Variants in GRIK4 observed in about 807,000 individuals in gnomAD.
GRIK4 encodes glutamate ionotropic receptor kainate type subunit 4.
In GRIK4, 40 loss-of-function variants were observed where a neutral mutation model predicts 104.9. The observed-to-expected ratio is 0.38, with a 90% CI of 0.30 to 0.50. The LOEUF (loss-of-function observed/expected upper bound fraction) is 0.50, where lower values mean the gene tolerates loss of function less well. GRIK4 is among the 20% of genes least tolerant of loss of function. The pLI is 0.93. For missense variants in GRIK4, 1,047 were observed against 1,308.1 expected, an observed-to-expected ratio of 0.80 and a Z score of 3.08; for synonymous variants, 485 against 524.9, an observed-to-expected ratio of 0.92 and a Z score of 1.04.
At chr11:120,770,649 G>T (rs1310895647) in intron 3 of GRIK4, among the ~76,000 whole-genome samples, 1 of 152,184 alleles carries the variant, frequency 6.6e-6, no homozygotes, top group Admixed American at 6.5e-5. Flanking sequence ...TGACTCTGGG[G>T]AAGTGCCATG....
chr11:120,867,707 T>A (rs567897844), intron 9 of GRIK4, among the ~76,000 whole-genome samples: 1 of 151,898 alleles, frequency 6.6e-6, no homozygotes, highest in Admixed American at 6.6e-5. Context: ...GAAAGCAAGA[T>A]CAGTCCATGC....
rs1387758374 is a variant in GRIK4, at chr11:120,902,105, C to G, written c.1273-3185C>G. ...AAATGGTAATCCCGAATGATTTATC[C>G]CTTAAAACTCAGCACACATTCATGT... On this transcript the variant is annotated intron_variant, in intron 12 of 20. Coordinates refer to ENST00000527524, the MANE Select transcript of GRIK4 (RefSeq NM_014619.5). The surrounding 1 kb of genome is among the most constrained non-coding windows in gnomAD (Gnocchi z 4.5). 6.6e-6 allele frequency among the ~76,000 whole-genome samples: 1 copy of G among 152,102 alleles called. No individual in the cohort carries two copies. The highest frequency in any genetic ancestry group is 1.9e-4 in the East Asian group (1 of 5,196).
chr11:120,514,585 A>AC (rs1251457223), intron 1 of GRIK4, among the ~76,000 whole-genome samples: 2 of 151,542 alleles, frequency 1.3e-5, no homozygotes, highest in Non-Finnish European at 2.9e-5. Context: ...CACCGTTTTC[A>AC]CCCCCACCCC....
At chr11:120,856,186 C>T (rs911314984) in intron 8 of GRIK4, among the ~76,000 whole-genome samples, 3 of 152,178 alleles carry the variant, frequency 2.0e-5, no homozygotes, top group Admixed American at 2.0e-4. Context: ...GTGAACACAT[C>T]GAAAGTTCAG....
At chr11:120,723,172 C>T (rs1950963893) in intron 3 of GRIK4, among the ~76,000 whole-genome samples, 1 of 152,132 alleles carries the variant, frequency 6.6e-6, no homozygotes, top group Admixed American at 6.5e-5. Context: ...ATTTTGTTGT[C>T]TGAAATTCAT....
chr11:120,653,815 T>C (rs1247976985), intron 2 of GRIK4, 23 bp downstream of exon 2: 2 of 152,246 alleles, frequency 1.3e-5, no homozygotes, highest in Non-Finnish European at 2.9e-5. Context: ...ATTCCCATAT[T>C]ACTGGTGGAG....
chr11:120,550,436 A>T (rs1311002090), intron 1 of GRIK4, among the ~76,000 whole-genome samples: 1 of 151,870 alleles, frequency 6.6e-6, no homozygotes, highest in Admixed American at 6.6e-5. Flanking sequence ...GCAGTTGGAT[A>T]TCATCAGTCT....
In GRIK4 at chr11:120,836,840, A is replaced by G; in HGVS notation, c.740A>G (p.Asn247Ser). The change falls in exon 8 of 21, where the codon AAT becomes AGT. Residue 247 changes from asparagine (N) to serine (S), a missense_variant. This residue lies in a region of GRIK4 where 447 missense variants were observed against 514.9 expected (regional missense o/e 0.87). Transcript: ENST00000527524. ...VSAYYTYIFTNLEFSLQRMDS... is the reference protein window; with the variant it reads ...VSAYYTYIFTSLEFSLQRMDS... ...GCCTATTACACATACATCTTCACTAATCTGGTAAGATGTTCTCACAGCTCA... is the reference window on the plus strand; with the variant it reads ...GCCTATTACACATACATCTTCACTAGTCTGGTAAGATGTTCTCACAGCTCA... 8 of 1,579,858 alleles carry G rather than the reference A, an allele frequency of 5.1e-6. No homozygotes were observed. The highest frequency in any genetic ancestry group is 7.0e-6 in the Non-Finnish European group (8 of 1,148,650).
At chr11:120,896,287 C>T (rs569115711) in intron 11 of GRIK4, among the ~76,000 whole-genome samples, 4 of 152,358 alleles carry the variant, frequency 2.6e-5, no homozygotes, top group East Asian at 3.9e-4. Flanking sequence ...CTGACAGGCT[C>T]TGTGACCTCA....
chr11:120,581,835 C>T (rs1251386041), intron 1 of GRIK4, among the ~76,000 whole-genome samples: 1 of 149,748 alleles, frequency 6.7e-6, no homozygotes, highest in African/African-American at 2.5e-5. Flanking sequence ...GAGACGGAGT[C>T]TTGCTCTGTT....
intron 3 of GRIK4, among the ~76,000 whole-genome samples, chr11:120,722,468 C>T (rs760109602): frequency 6.6e-6 from 1 of 152,034 alleles, no homozygotes; most frequent in Non-Finnish European, 1.5e-5. Context: ...TTTAGCTGGA[C>T]GTGGTGGAGC....
chr11:120,867,612 T>A (rs1954459498), intron 9 of GRIK4, among the ~76,000 whole-genome samples: 1 of 152,074 alleles, frequency 6.6e-6, no homozygotes, highest in South Asian at 2.1e-4. Flanking sequence ...GGTCGGGCCT[T>A]CGGCATTCTA....
chr11:120,778,570 A>G (rs1952087146), intron 3 of GRIK4, among the ~76,000 whole-genome samples: 1 of 152,242 alleles, frequency 6.6e-6, no homozygotes, highest in Non-Finnish European at 1.5e-5. Flanking sequence ...TGGGTCTGCC[A>G]GCTCTAATAA....
At chr11:120,755,609 T>C (rs1951638122) in intron 3 of GRIK4, among the ~76,000 whole-genome samples, 1 of 150,836 alleles carries the variant, frequency 6.6e-6, no homozygotes, top group African/African-American at 2.4e-5. Flanking sequence ...CAAGACCTTG[T>C]CTCAAAAAAA....
chr11:120,962,293 C>A (rs1944301331), intron 17 of GRIK4, among the ~76,000 whole-genome samples, 163 bp from the exon 18 acceptor site: 1 of 152,146 alleles, frequency 6.6e-6, no homozygotes, highest in African/African-American at 2.4e-5. Context: ...TGACAGTGAA[C>A]ATCTTGTGTT....
At chr11:120,807,720 A>G (rs934603387) in intron 4 of GRIK4, among the ~76,000 whole-genome samples, 11 of 152,320 alleles carry the variant, frequency 7.2e-5, no homozygotes, top group Non-Finnish European at 1.3e-4. Context: ...TTCAGCAAAC[A>G]TTCCTTACTC....
intron 3 of GRIK4, among the ~76,000 whole-genome samples, chr11:120,718,034 A>C (rs1202894661): frequency 6.6e-6 from 1 of 152,176 alleles, no homozygotes; most frequent in African/African-American, 2.4e-5. Flanking sequence ...TTTTCCCCTT[A>C]AGTGTCTGTC....
chr11:120,578,005 A>G (rs1948507715), intron 1 of GRIK4, among the ~76,000 whole-genome samples: 1 of 152,114 alleles, frequency 6.6e-6, no homozygotes, highest in Admixed American at 6.5e-5. Context: ...CAGCAGAGTG[A>G]GTTGGACAGT....
chr11:120,903,337 G>A lies in GRIK4; in HGVS notation c.1273-1953G>A, dbSNP rs1255030198. Among the ~76,000 whole-genome samples, 7 of 151,964 alleles carry A rather than the reference G, an allele frequency of 4.6e-5. No homozygotes were observed. In the South Asian group the frequency reaches 6.2e-4, roughly 14 times the overall value. On this transcript the variant is annotated intron_variant, in intron 12 of 20. Transcript: ENST00000527524. The surrounding 1 kb of genome is among the most constrained non-coding windows in gnomAD (Gnocchi z 4.4). The stretch of plus-strand genomic sequence containing the variant: ...AATCTTCCCACACACCAAGACTCAA[G>A]CCTATCTGCCCCACTTTCAGCACAA...
Sources: gnomAD v4.1 joint callset for allele counts (sites outside exome capture counted in the v4.1 genomes callset) on GRCh38, gnomAD v4.1.1 for gene constraint, gnomAD v4.1.1 regional missense constraint, Gnocchi (gnomAD v3.1) non-coding constraint, MANE v1.5 for transcripts, NCBI Gene and HGNC (gene_info 2026-07-23, HGNC 2026-07-21) for gene names.